The following SLCO5A1 variants were observed in gnomAD, a reference collection of about 807,000 sequenced individuals.
The protein encoded by SLCO5A1 is solute carrier organic anion transporter family member 5A1.
A neutral mutation model predicts 65.1 loss-of-function variants in SLCO5A1; 39 were observed. That is an observed-to-expected ratio of 0.60 (90% CI 0.46 to 0.78). The LOEUF is 0.78. Ranked by LOEUF, SLCO5A1 falls within the 30% of genes least tolerant of loss-of-function variation. The pLI is 0.00. For synonymous variants in SLCO5A1, 438 were observed against 415.7 expected (o/e 1.05, Z -0.65); for missense variants, 1,029 against 1,069.4 (o/e 0.96, Z 0.53).
At chr8:69,722,895 A>C (rs1364093844) in intron 5 of SLCO5A1, among the ~76,000 whole-genome samples, 1 of 152,102 alleles carries the variant, frequency 6.6e-6, no homozygotes, top group Admixed American at 6.5e-5. Flanking sequence ...AATTTGGCTG[A>C]TACAGAGATG....
chr8:69,779,741 T>C (rs1440129739), intron 2 of SLCO5A1, among the ~76,000 whole-genome samples: 1 of 152,142 alleles, frequency 6.6e-6, no homozygotes, highest in Non-Finnish European at 1.5e-5. Flanking sequence ...CCAAAGCCTG[T>C]CCTCTTTTCA....
chr8:69,683,410 T>C (rs765818698), intron 6 of SLCO5A1, among the ~76,000 whole-genome samples: 9 of 152,174 alleles, frequency 5.9e-5, no homozygotes, highest in Admixed American at 1.3e-4. Context: ...TTTTTTGAAA[T>C]AGATTTAGAG....
chr8:69,776,801 T>G (rs1328731057), intron 2 of SLCO5A1, among the ~76,000 whole-genome samples: 1 of 152,206 alleles, frequency 6.6e-6, no homozygotes, highest in African/African-American at 2.4e-5. Flanking sequence ...AATAAGCACA[T>G]GAAAGATATT....
chr8:69,701,468 T>C (rs1451840791), intron 6 of SLCO5A1, among the ~76,000 whole-genome samples: 1 of 152,070 alleles, frequency 6.6e-6, no homozygotes, highest in Non-Finnish European at 1.5e-5. Flanking sequence ...ATAAGAAACA[T>C]TTTACAGTCT....
At chr8:69,749,694 T>A (rs534113401) in intron 4 of SLCO5A1, among the ~76,000 whole-genome samples, 117 of 151,466 alleles carry the variant, frequency 7.7e-4, no homozygotes, top group African/African-American at 2.7e-3. Context: ...AAATATTTAC[T>A]ATGTACCTAC....
At chr8:69,680,169 ATGTGCAGGT>A (rs774263304) in intron 7 of SLCO5A1, among the ~76,000 whole-genome samples, 4 of 152,142 alleles carry the variant, frequency 2.6e-5, no homozygotes, top group Non-Finnish European at 5.9e-5. Flanking sequence ...CAGGGAGTAC[ATGTGCAGGT>A]TTGTTACACG....
intron 7 of SLCO5A1, among the ~76,000 whole-genome samples, chr8:69,680,012 C>T (rs1487940043): frequency 1.3e-5 from 2 of 152,218 alleles, no homozygotes; most frequent in Non-Finnish European, 2.9e-5. Flanking sequence ...GCACCTAGCA[C>T]AACTCTGGGC....
At chr8:69,710,019 C>CTTTTTTT (rs33961429) in intron 5 of SLCO5A1, among the ~76,000 whole-genome samples, 12,945 of 122,456 alleles carry the variant, frequency 0.11, 1,002 homozygotes, top group Non-Finnish European at 0.15. Context: ...TCGGCAACAG[C>CTTTTTTT]TTTTTTTTTT....
At chr8:69,825,000 C>T (rs1175539758) in intron 2 of SLCO5A1, among the ~76,000 whole-genome samples, 2 of 152,034 alleles carry the variant, frequency 1.3e-5, no homozygotes, top group Admixed American at 6.6e-5. Context: ...TGTAATCCAG[C>T]ATATAAACAG....
rs1813311741 is a variant in SLCO5A1 at position 69,670,931 on chromosome 8, C to T, written c.*1938G>A. ...GAGGGTAAAGGGGAACCCTGAGGCC[C>T]CAAAGGAGACACTAGTTCAATCAGC... On this transcript the variant is annotated 3_prime_UTR_variant, in exon 10 of 10. Coordinates refer to ENST00000260126, the MANE Select transcript of SLCO5A1 (RefSeq NM_030958.3). 2 of 152,206 alleles carry T rather than the reference C, an allele frequency of 1.3e-5. No homozygotes were observed. The highest frequency in any genetic ancestry group is 4.8e-5 in the African/African-American group (2 of 41,438). 9.4% of individuals were successfully genotyped at this position (152,206 alleles called of 1,614,324 possible). A position where few individuals can be genotyped will look rare whatever the true frequency, so the allele number is the denominator to read the frequency against.
chr8:69,731,001 A>AT (rs200542062), intron 5 of SLCO5A1, among the ~76,000 whole-genome samples: 15,266 of 145,060 alleles, frequency 0.11, 884 homozygotes, highest in African/African-American at 0.15. Flanking sequence ...AGTAATTGCA[A>AT]TTTTTTTTTT....
At chr8:69,786,154 C>G (rs1209674157) in intron 2 of SLCO5A1, among the ~76,000 whole-genome samples, 3 of 152,062 alleles carry the variant, frequency 2.0e-5, no homozygotes, top group Admixed American at 6.6e-5. Flanking sequence ...ACCAAAGAAA[C>G]TTGTATATAA....
intron 2 of SLCO5A1, among the ~76,000 whole-genome samples, chr8:69,822,631 T>C (rs1179504967): frequency 1.3e-5 from 2 of 152,210 alleles, no homozygotes; most frequent in Non-Finnish European, 2.9e-5. Context: ...CACCCTAGGA[T>C]AAGTTTGAAT....
chr8:69,720,690 GTGTT>G (rs1815778953), intron 5 of SLCO5A1, among the ~76,000 whole-genome samples: 1 of 152,192 alleles, frequency 6.6e-6, no homozygotes, highest in African/African-American at 2.4e-5. Context: ...ATGAAATAAA[GTGTT>G]TGGGCTTTTT....
intron 6 of SLCO5A1, among the ~76,000 whole-genome samples, chr8:69,690,734 G>C (rs892466312): frequency 6.6e-6 from 1 of 152,216 alleles, no homozygotes; most frequent in African/African-American, 2.4e-5. Context: ...GGGTGGAACT[G>C]AGTGAATCAT....
chr8:69,723,120 G>A (rs1393714018), intron 5 of SLCO5A1, among the ~76,000 whole-genome samples: 1 of 152,038 alleles, frequency 6.6e-6, no homozygotes, highest in Non-Finnish European at 1.5e-5. Context: ...CTATATTGAA[G>A]TATTTGTAAA....
At chr8:69,724,662 C>T (rs1293435739) in intron 5 of SLCO5A1, among the ~76,000 whole-genome samples, 2 of 152,138 alleles carry the variant, frequency 1.3e-5, no homozygotes, top group Non-Finnish European at 2.9e-5. Flanking sequence ...TGTCTAAGCA[C>T]GTTTCATTCT....
chr8:69,779,471 C>CA (rs1818711959), intron 2 of SLCO5A1, among the ~76,000 whole-genome samples: 1 of 152,200 alleles, frequency 6.6e-6, no homozygotes, highest in African/African-American at 2.4e-5. Flanking sequence ...CTTATAAAGG[C>CA]ATAAACCCAA....
chr8:69,711,693 T>A (rs114225075), intron 5 of SLCO5A1, among the ~76,000 whole-genome samples: 341 of 152,344 alleles, frequency 2.2e-3, no homozygotes, highest in African/African-American at 7.8e-3. Flanking sequence ...GCTGCATGTC[T>A]TCAGGCAAAT....
Sources: allele counts gnomAD v4.1 joint callset (sites outside exome capture counted in the v4.1 genomes callset), GRCh38; gene constraint gnomAD v4.1.1; transcripts MANE v1.5; gene names NCBI Gene and HGNC (gene_info 2026-07-23, HGNC 2026-07-21).